The following CHCHD6 variants were observed in gnomAD, a reference collection of about 807,000 sequenced individuals.
CHCHD6 encodes the protein coiled-coil-helix-coiled-coil-helix domain containing 6, also known as MICOS complex subunit MIC25.
Under a neutral mutation model 32.3 loss-of-function variants are expected in CHCHD6, and 28 were observed. The observed-to-expected ratio is 0.87, with a 90% confidence interval of 0.64 to 1.19. The LOEUF (loss-of-function observed/expected upper bound fraction) is 1.19, where lower values mean the gene tolerates loss of function less well. Among genes scored for constraint, CHCHD6 ranks in the 50% most tolerant of loss-of-function variants. The pLI, the probability that CHCHD6 is intolerant of heterozygous loss-of-function variation, is 0.00. For synonymous variants in CHCHD6, 122 were observed against 117.5 expected (o/e 1.04, Z -0.25); for missense variants, 333 against 307.0 (o/e 1.08, Z -0.63).
chr3:126,806,956 C>T (rs369618250), intron 4 of CHCHD6, among the ~76,000 whole-genome samples: 76 of 147,634 alleles, frequency 5.1e-4, no homozygotes, highest in African/African-American at 1.7e-3. Flanking sequence ...GGACAAAAAA[C>T]GAAACACCGC....
chr3:126,843,737 TA>T (rs1941190829), intron 4 of CHCHD6, among the ~76,000 whole-genome samples: 1 of 152,190 alleles, frequency 6.6e-6, no homozygotes, highest in African/African-American at 2.4e-5. Context: ...AGAGTTCAAT[TA>T]CATGTATGCT....
At chr3:126,925,575 A>T (rs1315989874) in intron 6 of CHCHD6, among the ~76,000 whole-genome samples, 2 of 152,166 alleles carry the variant, frequency 1.3e-5, no homozygotes, top group African/African-American at 4.8e-5. Flanking sequence ...TCATCTGACC[A>T]TGAGCCGCAG....
At chr3:126,893,444 C>CGGT (rs1358621259) in intron 5 of CHCHD6, among the ~76,000 whole-genome samples, 4 of 152,172 alleles carry the variant, frequency 2.6e-5, no homozygotes, top group Non-Finnish European at 4.4e-5. Context: ...GCCTTGCCAC[C>CGGT]GGTGCTCTGG....
chr3:126,819,161 C>T (rs1940045443), intron 4 of CHCHD6, among the ~76,000 whole-genome samples: 1 of 152,202 alleles, frequency 6.6e-6, no homozygotes, highest in African/African-American at 2.4e-5. Flanking sequence ...GGGTTGTAAG[C>T]TCCTGGTTTC....
intron 5 of CHCHD6, among the ~76,000 whole-genome samples, chr3:126,864,008 C>G (rs1478309732): frequency 1.3e-5 from 2 of 149,016 alleles, no homozygotes; most frequent in Admixed American, 1.3e-4. Context: ...TTCTCCCCCA[C>G]TATCACCAAC....
chr3:126,953,335 C>T (rs943012218), intron 6 of CHCHD6, among the ~76,000 whole-genome samples: 4 of 152,186 alleles, frequency 2.6e-5, no homozygotes, highest in Non-Finnish European at 4.4e-5. Flanking sequence ...TGAGGCTGGG[C>T]GAGGTCTGAA....
intron 4 of CHCHD6, among the ~76,000 whole-genome samples, chr3:126,841,376 AG>A (rs2107546888): frequency 6.6e-6 from 1 of 152,302 alleles, no homozygotes; most frequent in South Asian, 2.1e-4. Context: ...CGGTCACTCA[AG>A]TAGGAAGTGA....
At position 126,937,831 on chromosome 3, in the gene CHCHD6, G is replaced by A. The variant is rs114610128; in HGVS notation, c.567-19585G>A. On this transcript the variant is annotated intron_variant, in intron 6 of 7. Transcript: ENST00000290913. The stretch of plus-strand genomic sequence containing the variant: ...TGAGCTTGAGAGGGCTGGAGGGTGT[G>A]GGGGGAGATAGTATCAGAGAGCTCT... Among the ~76,000 whole-genome samples, 981 of 152,166 alleles carry A rather than the reference G, an allele frequency of 6.4e-3. 10 individuals carry two copies. The highest frequency in any genetic ancestry group is 0.021 in the African/African-American group (889 of 41,520).
At chr3:126,833,784 G>T (rs898647777) in intron 4 of CHCHD6, among the ~76,000 whole-genome samples, 1 of 152,100 alleles carries the variant, frequency 6.6e-6, no homozygotes, top group Non-Finnish European at 1.5e-5. Flanking sequence ...GGCCGGGCGC[G>T]GTGGCTCACG....
chr3:126,844,512 T>C (rs933712445), intron 4 of CHCHD6, among the ~76,000 whole-genome samples: 1 of 152,216 alleles, frequency 6.6e-6, no homozygotes, highest in African/African-American at 2.4e-5. Context: ...TTAACTAATA[T>C]TAATATAGCT....
At chr3:126,765,777 A>G (rs906717631) in intron 4 of CHCHD6, among the ~76,000 whole-genome samples, 3 of 152,108 alleles carry the variant, frequency 2.0e-5, no homozygotes, top group African/African-American at 7.2e-5. Flanking sequence ...CCTGATTTTC[A>G]TTTGGACTTC....
chr3:126,704,292 C>T lies in CHCHD6; in HGVS notation c.-21C>T, dbSNP rs747308398. 27 of 1,595,464 alleles carry T rather than the reference C, an allele frequency of 1.7e-5. No individual in the cohort carries two copies. The Admixed American group carries it at 2.7e-4, about 16-fold the overall frequency. On this transcript the variant is annotated 5_prime_UTR_variant, in exon 1 of 8. Transcript: ENST00000290913. Reference sequence around the variant, plus strand: ...AGCCGGGTCTCGGGTCTGGTGGCTGCCGGCCCTGCGGCATCTCGCCATGGG... The same window carrying T: ...AGCCGGGTCTCGGGTCTGGTGGCTGTCGGCCCTGCGGCATCTCGCCATGGG...
chr3:126,734,743 C>T (rs922163031), intron 4 of CHCHD6, among the ~76,000 whole-genome samples: 5 of 152,130 alleles, frequency 3.3e-5, no homozygotes, highest in African/African-American at 1.2e-4. Context: ...TCAGAGACGG[C>T]ATTAAACTCA....
intron 4 of CHCHD6, among the ~76,000 whole-genome samples, chr3:126,822,570 G>C (rs1483357700): frequency 3.3e-5 from 5 of 152,094 alleles, no homozygotes; most frequent in Non-Finnish European, 5.9e-5. Flanking sequence ...ATTTTCTATG[G>C]ATTTTAGGAT....
intron 5 of CHCHD6, among the ~76,000 whole-genome samples, chr3:126,867,438 T>A (rs553453158): frequency 6.6e-6 from 1 of 152,320 alleles, no homozygotes; most frequent in East Asian, 1.9e-4. Flanking sequence ...AATAGGTACT[T>A]ACGGGTTGAA....
intron 6 of CHCHD6, among the ~76,000 whole-genome samples, chr3:126,916,344 T>A (rs937009934): frequency 3.3e-5 from 5 of 149,788 alleles, no homozygotes; most frequent in African/African-American, 1.2e-4. Context: ...GAGGTTGCAG[T>A]GAGCTGAGAT....
intron 5 of CHCHD6, among the ~76,000 whole-genome samples, chr3:126,858,165 G>A (rs1057054956): frequency 1.3e-5 from 2 of 152,152 alleles, no homozygotes; most frequent in African/African-American, 4.8e-5. Flanking sequence ...GCCGGGTAGG[G>A]AAGAGGACCT....
At chr3:126,825,482 G>C (rs942876810) in intron 4 of CHCHD6, among the ~76,000 whole-genome samples, 1 of 152,006 alleles carries the variant, frequency 6.6e-6, no homozygotes, top group African/African-American at 2.4e-5. Context: ...TTTTTGGTCT[G>C]CTATCAGTCA....
chr3:126,926,928 C>T (rs949485084), intron 6 of CHCHD6, among the ~76,000 whole-genome samples: 8 of 152,076 alleles, frequency 5.3e-5, no homozygotes, highest in Admixed American at 2.0e-4. Flanking sequence ...GGTTGTGAAC[C>T]GGCAGGAGGC....
Sources: gnomAD v4.1 joint callset for allele counts (sites outside exome capture counted in the v4.1 genomes callset) on GRCh38, gnomAD v4.1.1 for gene constraint, MANE v1.5 for transcripts, NCBI Gene and HGNC (gene_info 2026-07-23, HGNC 2026-07-21) for gene names.